Variants in L3MBTL3 observed in about 807,000 individuals in gnomAD.
L3MBTL3 encodes L3MBTL histone methyl-lysine binding protein 3.
A neutral mutation model predicts 102.3 loss-of-function variants in L3MBTL3; 27 were observed. That is an observed-to-expected ratio of 0.26 (90% confidence interval 0.19 to 0.36). The LOEUF (loss-of-function observed/expected upper bound fraction) is 0.36, where lower values mean the gene tolerates loss of function less well. Among genes scored for constraint, L3MBTL3 ranks in the 10% least tolerant of loss-of-function variants. The probability of loss-of-function intolerance (pLI) is 1.00; values close to 1 mark genes in which losing one functional copy is unlikely to be tolerated. For synonymous variants in L3MBTL3, 340 were observed against 320.9 expected (o/e 1.06, Z -0.64); for missense variants, 798 against 955.3 (o/e 0.84, Z 2.17).
At chr6:130,040,677 C>T (rs1288042292) in intron 2 of L3MBTL3, among the ~76,000 whole-genome samples, 1 of 152,160 alleles carries the variant, frequency 6.6e-6, no homozygotes, top group Non-Finnish European at 1.5e-5. Context: ...GACAGGCCCA[C>T]TTCATTAATT....
At chr6:130,130,698 T>C (rs992980858) in intron 20 of L3MBTL3, among the ~76,000 whole-genome samples, 1 of 152,156 alleles carries the variant, frequency 6.6e-6, no homozygotes, top group African/African-American at 2.4e-5. Context: ...ACCTTTGAGG[T>C]TGATTGGATG....
rs766118453 is a variant in L3MBTL3, at chr6:130,092,767, A to G, written c.1541A>G (p.Asn514Ser). 5 of 1,612,596 alleles carry G rather than the reference A, an allele frequency of 3.1e-6. No individual in the cohort carries two copies. In the East Asian group the frequency reaches 8.9e-5, roughly 29 times the overall value. Residue 514 changes from asparagine to serine, a missense_variant, in exon 17 of 23, where the codon AAT becomes AGT. Physicochemically the swap from Asn to Ser is conservative, Grantham distance 46. This residue lies in a region of L3MBTL3 where 306 missense variants were observed against 314.4 expected (regional missense o/e 0.97). Coordinates refer to ENST00000361794, the MANE Select transcript of L3MBTL3 (RefSeq NM_032438.4). The part of the protein sequence containing the change: ...RVKVHFDGWN[N>S]CYDYWIDADS... ...CAGGTTCACTTTGATGGCTGGAACA[A>G]TTGCTATGATTACTGGATAGATGCA...
intron 18 of L3MBTL3, among the ~76,000 whole-genome samples, chr6:130,099,087 A>G (rs1421153176): frequency 2.0e-5 from 3 of 152,072 alleles, no homozygotes; most frequent in Non-Finnish European, 2.9e-5. Flanking sequence ...ACCACACCTA[A>G]TGAGCTGGAC....
intron 2 of L3MBTL3, among the ~76,000 whole-genome samples, chr6:130,030,629 T>G (rs928180919): frequency 3.8e-5 from 5 of 129,988 alleles, no homozygotes; most frequent in Admixed American, 9.2e-5. Flanking sequence ...ATCTTGCCCC[T>G]GCATTCTAGC....
intron 16 of L3MBTL3, among the ~76,000 whole-genome samples, chr6:130,088,402 C>T (rs1783824727): frequency 6.6e-6 from 1 of 152,082 alleles, no homozygotes; most frequent in Non-Finnish European, 1.5e-5. Context: ...CAGGAAAACT[C>T]ATCTTTCTTT....
intron 2 of L3MBTL3, among the ~76,000 whole-genome samples, chr6:130,028,784 T>C (rs1309722979): frequency 6.6e-6 from 1 of 152,248 alleles, no homozygotes; most frequent in East Asian, 1.9e-4. Context: ...TAAGTCTGTT[T>C]AAGAGGTTTG....
chr6:130,083,856 A>C (rs1783514167), intron 15 of L3MBTL3, 151 bp downstream of exon 15: 1 of 427,892 alleles, frequency 2.3e-6, no homozygotes, highest in East Asian at 3.8e-5. Context: ...ACAATTTTTA[A>C]AGTCAAAATT....
intron 6 of L3MBTL3, among the ~76,000 whole-genome samples, chr6:130,052,190 C>G (rs1781143007): frequency 6.6e-6 from 1 of 151,922 alleles, no homozygotes; most frequent in Non-Finnish European, 1.5e-5. Context: ...ACTGCAACCT[C>G]CACATTCCCA....
At chr6:130,094,422 T>C in intron 18 of L3MBTL3, 55 bp downstream of exon 18, 5 of 1,140,020 alleles carry the variant, frequency 4.4e-6, no homozygotes, top group Non-Finnish European at 6.4e-6. Context: ...TATACATGTA[T>C]ATATAATGAA....
chr6:130,126,323 A>G (rs546833370), intron 20 of L3MBTL3, among the ~76,000 whole-genome samples: 12 of 152,254 alleles, frequency 7.9e-5, no homozygotes, highest in African/African-American at 1.9e-4. Flanking sequence ...CTACTTTATA[A>G]CATGCCAGAT....
At chr6:130,024,949 C>A (rs1399547691) in intron 2 of L3MBTL3, among the ~76,000 whole-genome samples, 1 of 152,160 alleles carries the variant, frequency 6.6e-6, no homozygotes, top group Non-Finnish European at 1.5e-5. Flanking sequence ...GGCATATCAT[C>A]CAATACACAT....
chr6:130,071,200 G>T, intron 13 of L3MBTL3, 73 bp downstream of exon 13: 1 of 1,326,470 alleles, frequency 7.5e-7, no homozygotes. Context: ...AACAGTAATA[G>T]TGCAACGCTT....
Position 130,139,774 on chromosome 6 carries a change from C to A in L3MBTL3, c.*21C>A, listed in dbSNP as rs750500387. 12 of 1,607,416 alleles carry A rather than the reference C, an allele frequency of 7.5e-6. No individual in the cohort carries two copies. The African/African-American group carries it at 1.6e-4, about 21-fold the overall frequency. ...TTTGAAGATGGTGAATTCTGAATAC[C>A]ATCAGCATTCTGCTTTAAAGCTCAT... On this transcript the variant is annotated 3_prime_UTR_variant, in exon 23 of 23. Transcript: ENST00000361794.
intron 14 of L3MBTL3, among the ~76,000 whole-genome samples, chr6:130,080,280 G>A (rs1783248785): frequency 1.3e-5 from 2 of 150,854 alleles, no homozygotes; most frequent in African/African-American, 2.4e-5. Context: ...AAAAAAGAAA[G>A]CAAGGTATTA....
chr6:130,134,028 A>G (rs1787348520), intron 22 of L3MBTL3, 123 bp downstream of exon 22: 5 of 719,798 alleles, frequency 6.9e-6, no homozygotes, highest in Admixed American at 2.1e-5. Flanking sequence ...AAATTGACAA[A>G]TTGATGTATA....
intron 14 of L3MBTL3, among the ~76,000 whole-genome samples, chr6:130,078,867 C>T (rs1400241546): frequency 6.6e-6 from 1 of 152,042 alleles, no homozygotes; most frequent in African/African-American, 2.4e-5. Flanking sequence ...AACCTGCAGG[C>T]GTTAGTTTGC....
intron 22 of L3MBTL3, among the ~76,000 whole-genome samples, chr6:130,134,959 C>T (rs1214008087): frequency 1.3e-5 from 2 of 151,728 alleles, no homozygotes; most frequent in African/African-American, 2.4e-5. Flanking sequence ...TCTTATTGTG[C>T]AAAGGTTTTA....
chr6:130,129,727 C>CCCAGG (rs1360146862), intron 20 of L3MBTL3, among the ~76,000 whole-genome samples: 1 of 152,108 alleles, frequency 6.6e-6, no homozygotes, highest in African/African-American at 2.4e-5. Context: ...GAAATAGGGT[C>CCCAGG]CCAGGCAAAG....
intron 13 of L3MBTL3, among the ~76,000 whole-genome samples, chr6:130,074,118 C>A (rs1199930452): frequency 6.6e-6 from 1 of 152,026 alleles, no homozygotes; most frequent in Non-Finnish European, 1.5e-5. Flanking sequence ...TTGCCTTTCC[C>A]AATTTAAAAT....
Sources: allele counts gnomAD v4.1 joint callset (sites outside exome capture counted in the v4.1 genomes callset), GRCh38; gene constraint gnomAD v4.1.1; regional missense constraint gnomAD v4.1.1; transcripts MANE v1.5; gene names NCBI Gene and HGNC (gene_info 2026-07-23, HGNC 2026-07-21).